The following TTC21B variants were observed in gnomAD, a reference collection of about 807,000 sequenced individuals.
The protein encoded by TTC21B is tetratricopeptide repeat domain 21B, also known as tetratricopeptide repeat protein 21B.
Under a neutral mutation model 175.1 loss-of-function variants are expected in TTC21B, and 127 were observed. The observed-to-expected ratio is 0.73, with a 90% CI of 0.63 to 0.84. The LOEUF (loss-of-function observed/expected upper bound fraction) is 0.84, where lower values mean the gene tolerates loss of function less well. Among genes scored for constraint, TTC21B ranks in the 40% least tolerant of loss-of-function variants. The pLI, the probability that TTC21B is intolerant of heterozygous loss-of-function variation, is 0.00. For synonymous variants in TTC21B, 524 were observed against 524.5 expected, an observed-to-expected ratio of 1.00 and a Z score of 0.01; for missense variants, 1,561 against 1,558.3, an observed-to-expected ratio of 1.00 and a Z score of -0.03.
At chr2:165,876,940 G>A (rs903523100) in intron 27 of TTC21B, among the ~76,000 whole-genome samples, 42 of 152,270 alleles carry the variant, frequency 2.8e-4, no homozygotes, top group African/African-American at 8.4e-4. Context: ...ATAGGAGAGC[G>A]ACACAGAGGA....
At chr2:165,882,127 A>G (rs1328743243) in intron 26 of TTC21B, among the ~76,000 whole-genome samples, 1 of 152,066 alleles carries the variant, frequency 6.6e-6, no homozygotes, top group East Asian at 1.9e-4. Flanking sequence ...TTCTGTTGGG[A>G]GGCACAGAAT....
At position 165,915,240 on chromosome 2, in the gene TTC21B, T is replaced by C; in HGVS notation, c.2099A>G (p.Lys700Arg). 2 of 1,613,974 alleles carry C rather than the reference T, an allele frequency of 1.2e-6. No homozygotes were observed. The highest frequency in any genetic ancestry group is 1.1e-5 in the South Asian group (1 of 91,080). The change falls in exon 15 of 29, where the codon AAG becomes AGG. Residue 700 changes from lysine to arginine, a missense_variant. Transcript: ENST00000243344. ...ATATAACATTTTATCTTTTCTGTGC[T>C]TCAGATAAATATCTGCCATTTTTTC... Reference protein sequence around the residue: ...AREKMADIYLKHRKDKMLYIT... With the variant: ...AREKMADIYLRHRKDKMLYIT...
intron 6 of TTC21B, among the ~76,000 whole-genome samples, chr2:165,933,397 C>T (rs896614140): frequency 2.0e-5 from 3 of 151,950 alleles, no homozygotes; most frequent in Admixed American, 6.6e-5. Context: ...ACAGGAATTC[C>T]GGGAATGCAA....
chr2:165,919,083 C>A (rs1267670463), intron 13 of TTC21B, among the ~76,000 whole-genome samples, 193 bp downstream of exon 13: 1 of 152,230 alleles, frequency 6.6e-6, no homozygotes, highest in African/African-American at 2.4e-5. Flanking sequence ...ATTTTTGTCA[C>A]CAAGTCCACA....
chr2:165,940,904 G>T, intron 6 of TTC21B, 123 bp downstream of exon 6: 3 of 955,192 alleles, frequency 3.1e-6, no homozygotes, highest in Non-Finnish European at 3.2e-6. Context: ...GTATTTCCTC[G>T]GTTCCACACT....
In TTC21B at chr2:165,874,852, C is replaced by T; in HGVS notation, c.3874-20G>A. On this transcript the variant is annotated intron_variant, in intron 28 of 28. Coordinates refer to ENST00000243344, the MANE Select transcript of TTC21B (RefSeq NM_024753.5). ...AAGAACCTGCAAAACAAATAAAGAA[C>T]CCATAAAAACTTGTAACTAATAATC... is the stretch of plus-strand genomic sequence containing the variant. The T allele has an allele frequency of 6.2e-7, 1 of 1,609,354 alleles. No homozygotes were observed.
intron 26 of TTC21B, among the ~76,000 whole-genome samples, chr2:165,881,034 C>A (rs576560100): frequency 1.6e-4 from 25 of 152,250 alleles, no homozygotes; most frequent in Middle Eastern, 3.4e-3. Flanking sequence ...CAGAAATACA[C>A]AATAGGGCAC....
intron 19 of TTC21B, among the ~76,000 whole-genome samples, chr2:165,904,478 C>T (rs925681857): frequency 1.3e-5 from 2 of 152,224 alleles, no homozygotes; most frequent in Non-Finnish European, 2.9e-5. Flanking sequence ...CACATACACA[C>T]ACCCCTGTCA....
intron 6 of TTC21B, among the ~76,000 whole-genome samples, chr2:165,939,120 T>C (rs1687273276): frequency 6.6e-6 from 1 of 152,160 alleles, no homozygotes. Flanking sequence ...TTTAGTCATG[T>C]GGTGACGGTA....
At chr2:165,934,500 C>CAAAAAAAA (rs369089707) in intron 6 of TTC21B, among the ~76,000 whole-genome samples, 370 of 71,696 alleles carry the variant, frequency 5.2e-3, no homozygotes, top group East Asian at 0.012. Flanking sequence ...GACTCTGTCT[C>CAAAAAAAA]AAAAAAAAAA....
intron 4 of TTC21B, 29 bp from the exon 5 acceptor site, chr2:165,943,370 T>A: frequency 3.2e-6 from 5 of 1,548,310 alleles, no homozygotes; most frequent in Non-Finnish European, 4.4e-6. Context: ...TATTTTTACT[T>A]TTTTAGAAAT....
At position 165,953,686 on chromosome 2, in the gene TTC21B, T is replaced by TCACCC; in HGVS notation, c.19_20insGGGTG (p.Lys7ArgfsTer5). On this transcript the variant is annotated frameshift_variant and splice_region_variant, in exon 1 of 29. Coordinates refer to ENST00000243344, the MANE Select transcript of TTC21B (RefSeq NM_024753.5). LOFTEE classifies it high-confidence loss of function. ...CCGCTCACCCGCTCACCCGCTCACC[T>TCACCC]TCAATTCCTGCGAGTCCATGGCTGC... 5 of 613,630 alleles carry TCACCC rather than the reference T, an allele frequency of 8.1e-6. No homozygotes were observed. Among genetic ancestry groups the TCACCC allele is most frequent in the Non-Finnish European group, 1.1e-5 (5 of 434,970 alleles). 38.0% of individuals were successfully genotyped at this position (613,630 alleles called of 1,614,324 possible).
At chr2:165,902,625 T>C (rs896362168) in intron 19 of TTC21B, among the ~76,000 whole-genome samples, 1 of 152,210 alleles carries the variant, frequency 6.6e-6, no homozygotes, top group Admixed American at 6.5e-5. Context: ...TACTGTCTCA[T>C]GAAATTTTTA....
chr2:165,934,601 CT>C (rs1376578197), intron 6 of TTC21B: 3 of 16,674 alleles, frequency 1.8e-4, no homozygotes, highest in East Asian at 5.2e-3. Context: ...AATAGGCTCA[CT>C]TAAAAAAAAA....
chr2:165,930,513 TC>T (rs1686849309), intron 8 of TTC21B, 149 bp from the exon 9 acceptor site: 1 of 544,082 alleles, frequency 1.8e-6, no homozygotes, highest in Non-Finnish European at 3.0e-6. Context: ...AATAAAACTT[TC>T]CTATTATCTA....
rs750424537 is a variant in TTC21B, at chr2:165,930,194, C to T, written c.1065G>A (p.Glu355=). The change falls in exon 9 of 29, where the codon GAG becomes GAA. Residue 355 remains glutamate, a synonymous_variant. Transcript: ENST00000243344. The stretch of plus-strand genomic sequence containing the variant: ...TACCAACTAGGGCAGACACACTAGT[C>T]TCATCAAGTGTCATGGCGGTCTTAT... ...KWYKTAMTLD[E]TSVSALVGFI... 2 of 1,612,888 alleles carry T rather than the reference C, an allele frequency of 1.2e-6. No individual in the cohort carries two copies. The highest frequency in any genetic ancestry group is 1.3e-5 in the African/African-American group (1 of 74,972).
chr2:165,876,894 T>G (rs1574057393), intron 27 of TTC21B, among the ~76,000 whole-genome samples: 1 of 151,268 alleles, frequency 6.6e-6, no homozygotes, highest in Non-Finnish European at 1.5e-5. Flanking sequence ...ACACAGGGAG[T>G]TAATGAACTT....
rs768933427 is a variant in TTC21B at position 165,929,286 on chromosome 2, TGTC to T, written c.1232_1234del (p.Arg411del). On this transcript the variant is annotated inframe_deletion, in exon 11 of 29. Coordinates refer to ENST00000243344, the MANE Select transcript of TTC21B (RefSeq NM_024753.5). ...ATTTAACAAATTAATAACTTCTTCTTGTCGTTTATTTTTCTTCATGGCAAGAAC... is the reference window on the plus strand; with the variant it reads ...ATTTAACAAATTAATAACTTCTTCTTGTTTATTTTTCTTCATGGCAAGAAC... The T allele has an allele frequency of 1.9e-6, 3 of 1,612,570 alleles. No individual in the cohort carries two copies. The Admixed American group carries it at 5.0e-5, about 27-fold the overall frequency.
At chr2:165,905,241 A>G (rs1227222858) in intron 19 of TTC21B, among the ~76,000 whole-genome samples, 1 of 152,166 alleles carries the variant, frequency 6.6e-6, no homozygotes, top group Non-Finnish European at 1.5e-5. Context: ...AACACAATAG[A>G]GGGGAAAGTG....
Sources: gnomAD v4.1 joint callset for allele counts (sites outside exome capture counted in the v4.1 genomes callset) on GRCh38, gnomAD v4.1.1 for gene constraint, MANE v1.5 for transcripts, NCBI Gene and HGNC (gene_info 2026-07-23, HGNC 2026-07-21) for gene names.